Variants in CRY1 observed in about 807,000 individuals in gnomAD.
CRY1 encodes cryptochrome-1.
A neutral mutation model predicts 76.0 loss-of-function variants in CRY1; 45 were observed. The observed-to-expected ratio is 0.59, with a 90% CI of 0.47 to 0.76. The LOEUF (loss-of-function observed/expected upper bound fraction) is 0.76, where lower values mean the gene tolerates loss of function less well. CRY1 is among the 30% of genes least tolerant of loss of function. The pLI, the probability that CRY1 is intolerant of heterozygous loss-of-function variation, is 0.00. For missense variants in CRY1, 587 were observed against 716.4 expected (o/e 0.82, Z 2.06); for synonymous variants, 248 against 244.0 (o/e 1.02, Z -0.15).
intron 1 of CRY1, among the ~76,000 whole-genome samples, chr12:107,056,580 C>CTT (rs147711184): frequency 2.2e-4 from 33 of 146,740 alleles, no homozygotes; most frequent in African/African-American, 6.7e-4. Flanking sequence ...TAAGCACAGA[C>CTT]TTTTTTTTTT....
chr12:107,011,381 A>G (rs1402047034), intron 2 of CRY1, among the ~76,000 whole-genome samples: 1 of 152,104 alleles, frequency 6.6e-6, no homozygotes, highest in Non-Finnish European at 1.5e-5. Context: ...AACAAAAAAG[A>G]AAGCTGAGGC....
intron 2 of CRY1, among the ~76,000 whole-genome samples, chr12:107,009,564 AT>A (rs1433171053): frequency 0.074 from 591 of 7,966 alleles, 19 homozygotes; most frequent in Admixed American, 0.11. Flanking sequence ...ACAAAAAAAC[AT>A]ATATATATAT....
intron 1 of CRY1, among the ~76,000 whole-genome samples, chr12:107,043,791 G>C (rs1025009395): frequency 1.3e-5 from 2 of 152,116 alleles, no homozygotes; most frequent in African/African-American, 4.8e-5. Flanking sequence ...CCCAGAGGGA[G>C]GATACTGCTG....
chr12:107,011,355 A>G (rs1263476013), intron 2 of CRY1, among the ~76,000 whole-genome samples: 1 of 83,472 alleles, frequency 1.2e-5, no homozygotes, highest in African/African-American at 5.5e-5. Context: ...GTCTCAAAAA[A>G]CAAACAAAAA....
intron 1 of CRY1, among the ~76,000 whole-genome samples, chr12:107,056,897 C>A (rs1952989550): frequency 6.6e-6 from 1 of 151,978 alleles, no homozygotes; most frequent in Admixed American, 6.6e-5. Flanking sequence ...ATTCTATATT[C>A]ATGAAGATAT....
intron 1 of CRY1, among the ~76,000 whole-genome samples, chr12:107,085,056 G>GA (rs1379488248): frequency 1.3e-5 from 2 of 150,370 alleles, no homozygotes; most frequent in East Asian, 1.9e-4. Flanking sequence ...CAAAAAACAT[G>GA]AAAAAAAAGC....
chr12:106,995,755 A>C (rs1182637295), intron 10 of CRY1, among the ~76,000 whole-genome samples: 1 of 152,014 alleles, frequency 6.6e-6, no homozygotes, highest in Non-Finnish European at 1.5e-5. Flanking sequence ...TCAACCCATC[A>C]CCTAGGTATT....
intron 1 of CRY1, among the ~76,000 whole-genome samples, chr12:107,056,352 C>A (rs971011156): frequency 1.3e-5 from 2 of 152,150 alleles, no homozygotes; most frequent in Non-Finnish European, 2.9e-5. Flanking sequence ...AAGCACTGGC[C>A]AGCCCTTAGG....
chr12:107,056,055 A>G (rs1049218809), intron 1 of CRY1, among the ~76,000 whole-genome samples: 6 of 152,200 alleles, frequency 3.9e-5, no homozygotes, highest in East Asian at 1.9e-4. Context: ...AGTCGAACAT[A>G]TAATTAGTTT....
At chr12:107,070,666 TTTTATTTATTTATTTATTTA>T (rs376585116) in intron 1 of CRY1, among the ~76,000 whole-genome samples, 14 of 139,686 alleles carry the variant, frequency 1.0e-4, no homozygotes, top group East Asian at 4.2e-4. Context: ...ATTCTCTTAT[TTTTATTTATTTATTTATTTA>T]TTTATTTATT....
chr12:107,033,788 T>C (rs1345781898), intron 1 of CRY1, among the ~76,000 whole-genome samples: 2 of 150,612 alleles, frequency 1.3e-5, no homozygotes, highest in Non-Finnish European at 2.9e-5. Flanking sequence ...AATAGTGAAA[T>C]GTTGAAAGCA....
intron 1 of CRY1, among the ~76,000 whole-genome samples, chr12:107,090,322 G>A (rs1335778253): frequency 6.6e-6 from 1 of 152,094 alleles, no homozygotes; most frequent in African/African-American, 2.4e-5. Flanking sequence ...CAAACTCCGG[G>A]CCTCAAGTGA....
intron 1 of CRY1, among the ~76,000 whole-genome samples, chr12:107,030,964 C>T (rs1000696340): frequency 2.0e-5 from 3 of 152,244 alleles, no homozygotes; most frequent in African/African-American, 7.2e-5. Flanking sequence ...AAGTATTATG[C>T]TTTCTATACT....
chr12:107,083,942 T>C (rs937388583), intron 1 of CRY1, among the ~76,000 whole-genome samples: 35 of 152,168 alleles, frequency 2.3e-4, no homozygotes, highest in African/African-American at 7.0e-4. Flanking sequence ...GAAAATTCCA[T>C]TGCCTCAGCC....
intron 1 of CRY1, among the ~76,000 whole-genome samples, chr12:107,086,993 A>G (rs1403404672): frequency 6.6e-6 from 1 of 152,222 alleles, no homozygotes. Flanking sequence ...AAAGAAAAAG[A>G]AAGAAACAAA....
intron 1 of CRY1, among the ~76,000 whole-genome samples, chr12:107,034,278 T>A (rs777997371): frequency 1.1e-4 from 17 of 151,914 alleles, no homozygotes; most frequent in Admixed American, 1.1e-3. Context: ...CAAGACAACA[T>A]CCAGATGTTA....
At chr12:107,028,487 A>C (rs149557000) in intron 1 of CRY1, among the ~76,000 whole-genome samples, 1 of 152,302 alleles carries the variant, frequency 6.6e-6, no homozygotes, top group East Asian at 1.9e-4. Flanking sequence ...TTTATAACTA[A>C]TATTTTGCAA....
At chr12:107,021,983 C>T in intron 2 of CRY1, 101 bp downstream of exon 2, 1 of 895,760 alleles carries the variant, frequency 1.1e-6, no homozygotes, top group Non-Finnish European at 1.7e-6. Context: ...CTTGAAAATA[C>T]TTATATTCGC....
chr12:107,067,740 G>C (rs1041598543), intron 1 of CRY1, among the ~76,000 whole-genome samples: 3 of 152,148 alleles, frequency 2.0e-5, no homozygotes, highest in African/African-American at 7.2e-5. Flanking sequence ...AAAAGTGTAG[G>C]GGACAGGAGA....
Sources: allele counts gnomAD v4.1 joint callset (sites outside exome capture counted in the v4.1 genomes callset), GRCh38; gene constraint gnomAD v4.1.1; transcripts MANE v1.5; gene names NCBI Gene and HGNC (gene_info 2026-07-23, HGNC 2026-07-21).